Variants in GALNTL6 observed in about 807,000 individuals in gnomAD.
GALNTL6 encodes the protein polypeptide N-acetylgalactosaminyltransferase-like 6.
Under a neutral mutation model 73.7 loss-of-function variants are expected in GALNTL6, and 46 were observed. The ratio of observed to expected loss-of-function variants is 0.62; its 90% CI spans 0.49 to 0.80. The LOEUF is 0.80. Ranked by LOEUF, GALNTL6 falls within the 30% of genes least tolerant of loss-of-function variation. The pLI, the probability that GALNTL6 is intolerant of heterozygous loss-of-function variation, is 0.00. For synonymous variants in GALNTL6, 259 were observed against 263.7 expected, an observed-to-expected ratio of 0.98 and a Z score of 0.17; for missense variants, 604 against 755.0, an observed-to-expected ratio of 0.80 and a Z score of 2.34.
intron 8 of GALNTL6, among the ~76,000 whole-genome samples, chr4:172,883,144 A>G (rs1745548504): frequency 6.6e-6 from 1 of 152,202 alleles, no homozygotes; most frequent in Non-Finnish European, 1.5e-5. Context: ...ACATGTATAC[A>G]ATGCATAATG....
At chr4:172,735,634 G>A (rs1298092807) in intron 5 of GALNTL6, among the ~76,000 whole-genome samples, 1 of 152,090 alleles carries the variant, frequency 6.6e-6, no homozygotes, top group Admixed American at 6.5e-5. Flanking sequence ...TTTGGGAGGG[G>A]CCCAGGGTGG....
In GALNTL6 at chr4:172,921,931, A is replaced by G. The variant is rs10012623; in HGVS notation, c.1042-9230A>G. 6.6e-3 allele frequency among the ~76,000 whole-genome samples: 998 copies of G among 152,278 alleles called. 12 individuals are homozygous for G. Among genetic ancestry groups the G allele is most frequent in the African/African-American group, 0.023 (941 of 41,552 alleles). On this transcript the variant is annotated intron_variant, in intron 8 of 12. Coordinates refer to ENST00000506823, the MANE Select transcript of GALNTL6 (RefSeq NM_001034845.3). Reference sequence around the variant, plus strand: ...AATATTTCTCTAAGAGTTAACTACTAAAGTATGGAGATATGGTTTGACTGT... The same window carrying G: ...AATATTTCTCTAAGAGTTAACTACTGAAGTATGGAGATATGGTTTGACTGT...
chr4:171,816,610 A>C (rs1734532278), intron 2 of GALNTL6, among the ~76,000 whole-genome samples: 1 of 152,082 alleles, frequency 6.6e-6, no homozygotes, highest in Admixed American at 6.5e-5. Flanking sequence ...GGGGAAGAAA[A>C]TAAGCCCCAA....
At chr4:172,723,001 AG>A (rs1247029246) in intron 5 of GALNTL6, among the ~76,000 whole-genome samples, 1 of 152,108 alleles carries the variant, frequency 6.6e-6, no homozygotes, top group Non-Finnish European at 1.5e-5. Flanking sequence ...TCACTTGTGG[AG>A]GCTTAGGAGG....
chr4:172,540,311 A>G (rs1228040873), intron 5 of GALNTL6, among the ~76,000 whole-genome samples: 2 of 152,018 alleles, frequency 1.3e-5, no homozygotes, highest in Non-Finnish European at 2.9e-5. Context: ...GAGTGCTGGG[A>G]TTTCAGGCAT....
chr4:172,868,836 C>T (rs1744786815), intron 7 of GALNTL6, among the ~76,000 whole-genome samples: 1 of 152,150 alleles, frequency 6.6e-6, no homozygotes. Flanking sequence ...AAATACTCAG[C>T]ACTCTTTCCT....
chr4:172,587,563 T>G (rs1737461484), intron 5 of GALNTL6, among the ~76,000 whole-genome samples: 1 of 152,152 alleles, frequency 6.6e-6, no homozygotes, highest in Non-Finnish European at 1.5e-5. Context: ...CAATGTAATC[T>G]CTCATCACCA....
chr4:172,390,054 A>G lies in GALNTL6; in HGVS notation c.553+41365A>G, dbSNP rs184535517. On this transcript the variant is annotated intron_variant, in intron 5 of 12. Coordinates refer to ENST00000506823, the MANE Select transcript of GALNTL6 (RefSeq NM_001034845.3). ...ATTTGTATTGTAGTTGAATGCAAAA[A>G]AACTCAATGGAACAATTTCTGCTAT... Among the ~76,000 whole-genome samples, 122 of 152,304 alleles carry G rather than the reference A, an allele frequency of 8.0e-4. 1 individual carries two copies. In the South Asian group the frequency reaches 0.016, roughly 20 times the overall value.
intron 4 of GALNTL6, among the ~76,000 whole-genome samples, chr4:172,341,729 T>C (rs988080431): frequency 6.6e-6 from 1 of 152,172 alleles, no homozygotes; most frequent in Non-Finnish European, 1.5e-5. Flanking sequence ...ATTGACTTGC[T>C]CCTCCTTCCC....
At chr4:172,817,050 G>C (rs1741642232) in intron 7 of GALNTL6, among the ~76,000 whole-genome samples, 1 of 150,498 alleles carries the variant, frequency 6.6e-6, no homozygotes, top group Admixed American at 6.7e-5. Context: ...AGAGGTTGCA[G>C]TGAGCAGAGA....
At chr4:172,598,209 GA>G (rs1737934656) in intron 5 of GALNTL6, among the ~76,000 whole-genome samples, 4 of 152,104 alleles carry the variant, frequency 2.6e-5, no homozygotes, top group Admixed American at 2.0e-4. Context: ...TGCAGTATCT[GA>G]AAACACAGCA....
chr4:171,848,723 C>T (rs753400623), intron 2 of GALNTL6, among the ~76,000 whole-genome samples: 1 of 152,206 alleles, frequency 6.6e-6, no homozygotes, highest in Non-Finnish European at 1.5e-5. Flanking sequence ...TCCACAATTT[C>T]CTCACATCTC....
chr4:172,725,577 A>G (rs1251574956), intron 5 of GALNTL6, among the ~76,000 whole-genome samples: 1 of 152,224 alleles, frequency 6.6e-6, no homozygotes. Flanking sequence ...TTGAGAGACT[A>G]TATTCCTAAC....
At chr4:172,625,637 C>T (rs1286850649) in intron 5 of GALNTL6, among the ~76,000 whole-genome samples, 2 of 152,104 alleles carry the variant, frequency 1.3e-5, no homozygotes, top group Admixed American at 6.6e-5. Flanking sequence ...CTTACATTCC[C>T]ACCAAATGTA....
At chr4:171,852,343 C>A (rs758410204) in intron 2 of GALNTL6, among the ~76,000 whole-genome samples, 1 of 152,066 alleles carries the variant, frequency 6.6e-6, no homozygotes, top group Non-Finnish European at 1.5e-5. Flanking sequence ...GAAGCTGTGA[C>A]CACAGGAAGA....
At chr4:172,579,786 G>T (rs1737100518) in intron 5 of GALNTL6, among the ~76,000 whole-genome samples, 1 of 125,868 alleles carries the variant, frequency 7.9e-6, no homozygotes, top group Non-Finnish European at 1.6e-5. Flanking sequence ...TTTAAATGAG[G>T]AAGGAAGGAA....
chr4:172,731,095 A>T (rs900094330), intron 5 of GALNTL6, among the ~76,000 whole-genome samples: 3 of 151,894 alleles, frequency 2.0e-5, no homozygotes, highest in Non-Finnish European at 4.4e-5. Context: ...AAAAAAAAAA[A>T]AGAGTTTGAG....
chr4:171,911,893 T>G (rs1280843227), intron 2 of GALNTL6, among the ~76,000 whole-genome samples: 2 of 152,208 alleles, frequency 1.3e-5, no homozygotes, highest in African/African-American at 2.4e-5. Flanking sequence ...ATGATTGACT[T>G]AAAACATCCA....
intron 5 of GALNTL6, among the ~76,000 whole-genome samples, chr4:172,734,832 G>A (rs985474683): frequency 3.3e-5 from 5 of 152,196 alleles, no homozygotes; most frequent in Admixed American, 2.6e-4. Flanking sequence ...TCCAGCCATG[G>A]CTAAAACGGG....
Sources: allele counts gnomAD v4.1 joint callset (sites outside exome capture counted in the v4.1 genomes callset), GRCh38; gene constraint gnomAD v4.1.1; transcripts MANE v1.5; gene names NCBI Gene and HGNC (gene_info 2026-07-23, HGNC 2026-07-21).